Variants in KDM1A observed in about 807,000 individuals in gnomAD.
The protein encoded by KDM1A is lysine-specific histone demethylase 1A.
KDM1A carries 49 observed loss-of-function variants against 109.4 expected under a neutral mutation model. The ratio of observed to expected loss-of-function variants is 0.45; its 90% CI spans 0.36 to 0.57. KDM1A has a LOEUF of 0.57. KDM1A is among the 20% of genes least tolerant of loss of function. The pLI is 0.00. For synonymous variants in KDM1A, 380 were observed against 415.4 expected (o/e 0.91, Z 1.04); for missense variants, 668 against 1,116.6 (o/e 0.60, Z 5.73).
At position 23,033,884 on chromosome 1, in the gene KDM1A, A is replaced by G. The variant is rs187493898; in HGVS notation, c.517+3250A>G. Among the ~76,000 whole-genome samples the G allele has an allele frequency of 6.4e-4, 97 of 152,356 alleles. 1 individual carries two copies. The highest frequency in any genetic ancestry group is 2.2e-3 in the African/African-American group (92 of 41,598). ...CTGAAATATGTTTTTGGAAAGACCA[A>G]TCTCATGCTAAGCGTGAACTAAAGG... On this transcript the variant is annotated intron_variant, in intron 2 of 20. Transcript: ENST00000400181.
chr1:23,059,251 A>C, intron 9 of KDM1A, 84 bp downstream of exon 9: 2 of 839,060 alleles, frequency 2.4e-6, no homozygotes, highest in Non-Finnish European at 4.1e-6. Flanking sequence ...ATGAGCATAT[A>C]CATATATACA....
At chr1:23,035,302 A>G (rs1394180718) in intron 2 of KDM1A, among the ~76,000 whole-genome samples, 2 of 152,184 alleles carry the variant, frequency 1.3e-5, no homozygotes, top group East Asian at 1.9e-4. Context: ...TCCCGGGTTC[A>G]AGCAATTCTC....
At chr1:23,074,243 TG>T (rs1294911262) in intron 15 of KDM1A, among the ~76,000 whole-genome samples, 1 of 152,250 alleles carries the variant, frequency 6.6e-6, no homozygotes, top group East Asian at 1.9e-4. Context: ...ATGTCATCTT[TG>T]AGTAAATGTC....
intron 13 of KDM1A, among the ~76,000 whole-genome samples, chr1:23,071,856 C>T (rs1373784529): frequency 6.6e-6 from 1 of 152,088 alleles, no homozygotes; most frequent in East Asian, 1.9e-4. Context: ...ATTTTTCATC[C>T]CCACTTTGCA....
At chr1:23,082,690 C>T (rs1465914773) in intron 20 of KDM1A, 1 of 233,214 alleles carries the variant, frequency 4.3e-6, no homozygotes, top group Non-Finnish European at 8.4e-6. Context: ...GCTGTAAGGT[C>T]TCAATTACTA....
chr1:23,023,668 G>A (rs1238609031), intron 1 of KDM1A, among the ~76,000 whole-genome samples: 3 of 152,134 alleles, frequency 2.0e-5, no homozygotes, highest in Non-Finnish European at 4.4e-5. Flanking sequence ...TATTTTGGCT[G>A]TTCTGAATGC....
Position 23,055,135 on chromosome 1 carries a change from T to C in KDM1A, c.857T>C (p.Ile286Thr). 1 of 1,611,356 alleles carries C rather than the reference T, an allele frequency of 6.2e-7. No homozygotes were observed. Among genetic ancestry groups the C allele is most frequent in the South Asian group, 1.1e-5 (1 of 90,578 alleles). ...CGTCATGGTCTTATCAACTTCGGCA[T>C]CTATAAGAGGATAAAACCCCTACCA... ...LERHGLINFG[I>T]YKRIKPLPTK... The change falls in exon 6 of 21, where the codon ATC becomes ACC. Residue 286 changes from isoleucine (I) to threonine (T), a missense_variant. By Grantham distance (89) the Ile-to-Thr change is moderately conservative. Around this residue, in one of 8 missense-constraint regions of KDM1A, gnomAD observed 149 missense variants for 189.7 expected, o/e 0.79. Transcript: ENST00000400181.
rs775535616 is a variant in KDM1A, at chr1:23,077,225, T to C, written c.1735-3T>C. On this transcript the variant is annotated splice_polypyrimidine_tract_variant and splice_region_variant and intron_variant, in intron 15 of 20. Transcript: ENST00000400181. ...GAAATATGTTCTTTTCTCTCCTCTTTAGGATGATGACTTTGAGTTCACTGG... is the reference window on the plus strand; with the variant it reads ...GAAATATGTTCTTTTCTCTCCTCTTCAGGATGATGACTTTGAGTTCACTGG... The C allele has an allele frequency of 1.2e-5, 20 of 1,613,302 alleles. No individual in the cohort carries two copies. In the South Asian group the frequency reaches 1.6e-4, roughly 13 times the overall value.
At chr1:23,045,860 TC>T (rs1300389676) in intron 3 of KDM1A, among the ~76,000 whole-genome samples, 6 of 152,202 alleles carry the variant, frequency 3.9e-5, no homozygotes, top group African/African-American at 1.4e-4. Context: ...CCAATCTTTG[TC>T]ACGTTCAGAA....
chr1:23,029,178 A>G (rs138209097), intron 1 of KDM1A, among the ~76,000 whole-genome samples: 2 of 152,356 alleles, frequency 1.3e-5, no homozygotes, highest in East Asian at 1.9e-4. Context: ...ATCTAAAGCT[A>G]TATCAAAGAC....
chr1:23,028,718 C>A (rs373554694), intron 1 of KDM1A, among the ~76,000 whole-genome samples: 19 of 151,844 alleles, frequency 1.3e-4, no homozygotes, highest in South Asian at 8.3e-4. Context: ...TTTCTCCTTG[C>A]TGCATTTTCA....
chr1:23,068,665 T>C lies in KDM1A; in HGVS notation c.1306T>C (p.Leu436=), dbSNP rs770803483. Residue 436 remains leucine, a synonymous_variant, in exon 11 of 21, where the codon TTG becomes CTG. Coordinates refer to ENST00000400181, the MANE Select transcript of KDM1A (RefSeq NM_001009999.3). ...NNKPVSLGQA[L]EVVIQLQEKH... Reference sequence around the variant, plus strand: ...TAAGCCTGTGTCCCTTGGCCAGGCATTGGAAGTTGTCATTCAGTAAGTACT... The same window carrying C: ...TAAGCCTGTGTCCCTTGGCCAGGCACTGGAAGTTGTCATTCAGTAAGTACT... 4 of 1,563,218 alleles carry C rather than the reference T, an allele frequency of 2.6e-6. No homozygotes were observed. The highest frequency in any genetic ancestry group is 1.4e-5 in the African/African-American group (1 of 72,394).
At chr1:23,058,948 G>T (rs79558355) in intron 8 of KDM1A, 125 bp from the exon 9 acceptor site, 19 of 471,702 alleles carry the variant, frequency 4.0e-5, no homozygotes, top group South Asian at 2.5e-4. Context: ...TTTTTTTTTT[G>T]AGAAATAATT....
Position 23,083,320 on chromosome 1 carries a change from C to G in KDM1A, c.2587C>G (p.Gln863Glu). ...GGGGGCCATGTATACGCTGCCTCGC[C>G]AGGCCACACCAGGTGTTCCTGCACA... ...FLGAMYTLPRQATPGVPAQQS... is the reference protein window; with the variant it reads ...FLGAMYTLPREATPGVPAQQS... Residue 863 changes from glutamine to glutamate, a missense_variant, in exon 21 of 21, where the codon CAG becomes GAG. Physicochemically the swap from Gln to Glu is conservative, Grantham distance 29. Coordinates refer to ENST00000400181, the MANE Select transcript of KDM1A (RefSeq NM_001009999.3). 5 of 1,613,790 alleles carry G rather than the reference C, an allele frequency of 3.1e-6. No individual in the cohort carries two copies. The highest frequency in any genetic ancestry group is 4.2e-6 in the Non-Finnish European group (5 of 1,179,948).
chr1:23,046,065 T>G (rs934534549), intron 3 of KDM1A, among the ~76,000 whole-genome samples: 1 of 152,200 alleles, frequency 6.6e-6, no homozygotes, highest in African/African-American at 2.4e-5. Flanking sequence ...GGTCATCTTG[T>G]CTAACTTCCT....
intron 3 of KDM1A, among the ~76,000 whole-genome samples, chr1:23,046,803 A>G (rs1437026037): frequency 2.0e-5 from 3 of 152,324 alleles, no homozygotes; most frequent in Middle Eastern, 3.4e-3. Context: ...TTTCCTGTAT[A>G]AAGGTGGTGA....
chr1:23,077,551 A>G (rs1246629798), intron 16 of KDM1A, among the ~76,000 whole-genome samples, 191 bp downstream of exon 16: 1 of 152,146 alleles, frequency 6.6e-6, no homozygotes, highest in Admixed American at 6.5e-5. Flanking sequence ...TAAACTGGGA[A>G]ATCGAAGCAA....
At chr1:23,029,808 T>G (rs1216417556) in intron 1 of KDM1A, among the ~76,000 whole-genome samples, 3 of 151,980 alleles carry the variant, frequency 2.0e-5, no homozygotes, top group African/African-American at 7.3e-5. Context: ...CCCAGCTAAT[T>G]TTTGTATTTT....
At chr1:23,057,213 T>C (rs1642856141) in intron 7 of KDM1A, among the ~76,000 whole-genome samples, 1 of 152,236 alleles carries the variant, frequency 6.6e-6, no homozygotes, top group South Asian at 2.1e-4. Context: ...ATCTTCCAGC[T>C]GTCAAGACTG....
Sources: gnomAD v4.1 joint callset for allele counts (sites outside exome capture counted in the v4.1 genomes callset) on GRCh38, gnomAD v4.1.1 for gene constraint, gnomAD v4.1.1 regional missense constraint, MANE v1.5 for transcripts, NCBI Gene and HGNC (gene_info 2026-07-23, HGNC 2026-07-21) for gene names.